Variants in GPR158 observed in about 807,000 individuals in gnomAD.
GPR158 encodes the protein metabotropic glycine receptor.
GPR158 carries 30 observed loss-of-function variants against 78.2 expected under a neutral mutation model. The ratio of observed to expected loss-of-function variants is 0.38; its 90% CI spans 0.29 to 0.52. The LOEUF (loss-of-function observed/expected upper bound fraction) is 0.52, where lower values mean the gene tolerates loss of function less well. GPR158 is among the 20% of genes least tolerant of loss of function. GPR158 has a pLI of 0.83. For synonymous variants in GPR158, 581 were observed against 591.1 expected, an observed-to-expected ratio of 0.98 and a Z score of 0.25; for missense variants, 1,463 against 1,523.5, an observed-to-expected ratio of 0.96 and a Z score of 0.66.
chr10:25,240,792 A>G (rs1853593476), intron 2 of GPR158, among the ~76,000 whole-genome samples: 1 of 152,226 alleles, frequency 6.6e-6, no homozygotes, highest in African/African-American at 2.4e-5. Flanking sequence ...GTAAATATCT[A>G]TCAATTGGGA....
chr10:25,543,219 C>T (rs947785167), intron 5 of GPR158, among the ~76,000 whole-genome samples: 8 of 152,062 alleles, frequency 5.3e-5, no homozygotes, highest in African/African-American at 1.2e-4. Context: ...CTCCCAGGTT[C>T]GAGAAATTCT....
chr10:25,420,814 G>A (rs898558907), intron 4 of GPR158, among the ~76,000 whole-genome samples: 3 of 151,990 alleles, frequency 2.0e-5, no homozygotes, highest in African/African-American at 4.8e-5. Flanking sequence ...ACTCTATTCC[G>A]TTGGTCTGTG....
chr10:25,177,946 C>T (rs902799290), intron 1 of GPR158, among the ~76,000 whole-genome samples: 1 of 152,176 alleles, frequency 6.6e-6, no homozygotes, highest in Non-Finnish European at 1.5e-5. Flanking sequence ...AGCTTTGAAT[C>T]TTTGCCATAC....
chr10:25,430,929 T>C (rs1588860323), intron 4 of GPR158, among the ~76,000 whole-genome samples: 1 of 149,908 alleles, frequency 6.7e-6, no homozygotes, highest in Non-Finnish European at 1.5e-5. Context: ...ACCTAGGCAA[T>C]ACCATTCAGG....
At chr10:25,194,444 C>G (rs977227095) in intron 1 of GPR158, among the ~76,000 whole-genome samples, 1 of 152,142 alleles carries the variant, frequency 6.6e-6, no homozygotes, top group Non-Finnish European at 1.5e-5. Context: ...GAGGCTGAGG[C>G]TGGACGATTG....
chr10:25,301,527 GC>G (rs1854593797), intron 2 of GPR158, among the ~76,000 whole-genome samples: 1 of 152,076 alleles, frequency 6.6e-6, no homozygotes, highest in Non-Finnish European at 1.5e-5. Flanking sequence ...GCACTTATTA[GC>G]TTTGAATTAC....
At chr10:25,514,525 T>C (rs558001774) in intron 5 of GPR158, among the ~76,000 whole-genome samples, 4 of 152,296 alleles carry the variant, frequency 2.6e-5, no homozygotes, top group African/African-American at 9.6e-5. Flanking sequence ...AGTATTGAGA[T>C]ATTGAGATGT....
intron 7 of GPR158, among the ~76,000 whole-genome samples, chr10:25,582,558 G>A (rs1837217399): frequency 6.6e-6 from 1 of 152,158 alleles, no homozygotes; most frequent in South Asian, 2.1e-4. Context: ...GCCTCAGAGA[G>A]CCCCCAGCTC....
chr10:25,452,446 G>A (rs1835233386), intron 4 of GPR158, among the ~76,000 whole-genome samples: 1 of 152,182 alleles, frequency 6.6e-6, no homozygotes, highest in Non-Finnish European at 1.5e-5. Context: ...AGTAAATGGA[G>A]TATATTTGTG....
intron 1 of GPR158, among the ~76,000 whole-genome samples, chr10:25,218,456 A>C (rs1853250166): frequency 6.6e-6 from 1 of 152,126 alleles, no homozygotes; most frequent in Non-Finnish European, 1.5e-5. Context: ...TTATTTTCCA[A>C]GTTAGCCGAT....
chr10:25,485,745 G>C (rs577817572), intron 5 of GPR158, among the ~76,000 whole-genome samples: 73 of 152,212 alleles, frequency 4.8e-4, no homozygotes, highest in African/African-American at 1.7e-3. Context: ...TGTATAGTCT[G>C]TATGATTTGT....
chr10:25,562,938 T>C (rs531367369), intron 6 of GPR158, among the ~76,000 whole-genome samples: 3 of 152,346 alleles, frequency 2.0e-5, no homozygotes, highest in South Asian at 2.1e-4. Context: ...TCCTGTTTGC[T>C]TCATATATTA....
intron 4 of GPR158, among the ~76,000 whole-genome samples, chr10:25,442,898 C>G (rs547158608): frequency 6.6e-6 from 1 of 152,130 alleles, no homozygotes; most frequent in Non-Finnish European, 1.5e-5. Context: ...ACCCCACAGC[C>G]AGAAACATGT....
In GPR158 at chr10:25,175,789, C is replaced by T. The variant is rs765184101; in HGVS notation, c.369C>T (p.His123=). ...PALASAHPSL[H]RALDTLTHAT... The stretch of plus-strand genomic sequence containing the variant: ...TGGCCAGCGCGCACCCCTCCTTGCA[C>T]CGGGCGCTGGACACACTGACACACG... Residue 123 remains histidine (H), a synonymous_variant, in exon 1 of 11, where the codon CAC becomes CAT. Transcript: ENST00000376351. This position sits in a 1 kb window ranked among gnomAD's most constrained non-coding sequence, Gnocchi z 6.4. 1.1e-5 allele frequency: 18 copies of T among 1,611,478 alleles called. No homozygotes were observed. In the Admixed American group the frequency reaches 1.2e-4, roughly 10 times the overall value.
intron 3 of GPR158, among the ~76,000 whole-genome samples, chr10:25,409,470 T>C (rs1834557725): frequency 6.6e-6 from 1 of 152,220 alleles, no homozygotes; most frequent in Non-Finnish European, 1.5e-5. Context: ...ATATGTATTC[T>C]TATCTGCTTT....
At chr10:25,515,037 C>A (rs1836143976) in intron 5 of GPR158, among the ~76,000 whole-genome samples, 1 of 152,006 alleles carries the variant, frequency 6.6e-6, no homozygotes, top group Non-Finnish European at 1.5e-5. Flanking sequence ...GTTCTTTGAG[C>A]TTCTTATATT....
chr10:25,539,268 C>A (rs1836542515), intron 5 of GPR158, among the ~76,000 whole-genome samples: 1 of 152,136 alleles, frequency 6.6e-6, no homozygotes, highest in Admixed American at 6.6e-5. Flanking sequence ...TAAATTTGAT[C>A]TTCTGTTTAG....
At chr10:25,566,598 A>C (rs962371985) in intron 6 of GPR158, among the ~76,000 whole-genome samples, 1 of 152,242 alleles carries the variant, frequency 6.6e-6, no homozygotes, top group Non-Finnish European at 1.5e-5. Flanking sequence ...ATGAGAACTC[A>C]TGCAGCTCAC....
intron 2 of GPR158, among the ~76,000 whole-genome samples, chr10:25,267,955 A>G (rs1456216306): frequency 2.6e-5 from 4 of 152,094 alleles, no homozygotes; most frequent in Non-Finnish European, 1.5e-5. Flanking sequence ...GTTACTCTTA[A>G]TTTTATTATC....
Sources: gnomAD v4.1 joint callset for allele counts (sites outside exome capture counted in the v4.1 genomes callset) on GRCh38, gnomAD v4.1.1 for gene constraint, Gnocchi (gnomAD v3.1) non-coding constraint, MANE v1.5 for transcripts, NCBI Gene and HGNC (gene_info 2026-07-23, HGNC 2026-07-21) for gene names.